The following GEMIN2 variants were observed in gnomAD, a reference collection of about 807,000 sequenced individuals.
GEMIN2 encodes the protein gem-associated protein 2.
In GEMIN2, 37 loss-of-function variants were observed where a neutral mutation model predicts 45.8. The ratio of observed to expected loss-of-function variants is 0.81; its 90% CI spans 0.62 to 1.06. The LOEUF (loss-of-function observed/expected upper bound fraction) is 1.06, where lower values mean the gene tolerates loss of function less well. Ranked by LOEUF, GEMIN2 falls within the 50% of genes least tolerant of loss-of-function variation. The pLI is 0.00. For missense variants in GEMIN2, 335 were observed against 321.8 expected, an observed-to-expected ratio of 1.04 and a Z score of -0.31; for synonymous variants, 101 against 111.5, an observed-to-expected ratio of 0.91 and a Z score of 0.60.
rs772927772 is a variant in GEMIN2 at position 39,133,648 on chromosome 14, T to C, written c.712-13T>C. The C allele has an allele frequency of 1.4e-5, 19 of 1,383,666 alleles. No homozygotes were observed. Among genetic ancestry groups the C allele is most frequent in the Non-Finnish European group, 1.8e-5 (18 of 1,019,704 alleles). The allele number at this position is 1,383,666 out of a possible 1,614,324, so 85.7% of individuals were successfully genotyped here. A position where few individuals can be genotyped will look rare whatever the true frequency, so the allele number is the denominator to read the frequency against. On this transcript the variant is annotated splice_polypyrimidine_tract_variant and intron_variant, in intron 8 of 9. Transcript: ENST00000308317. ...AACAGACAATATTTAAATTTTTCTTTTTTTTTTTTTAGGATAGCAAAGATG... is the reference window on the plus strand; with the variant it reads ...AACAGACAATATTTAAATTTTTCTTCTTTTTTTTTTAGGATAGCAAAGATG...
chr14:39,133,631 A>C, intron 8 of GEMIN2, 30 bp from the exon 9 acceptor site: 1 of 1,188,676 alleles, frequency 8.4e-7, no homozygotes, highest in Non-Finnish European at 1.2e-6. Flanking sequence ...GGAACAGACA[A>C]TATTTAAATT....
chr14:39,115,027 C>T (rs773095233), intron 2 of GEMIN2, 114 bp downstream of exon 2: 3 of 645,684 alleles, frequency 4.6e-6, no homozygotes. Context: ...CTACTCCGTG[C>T]AAAGTTAGAC....
At position 39,136,779 on chromosome 14, in the gene GEMIN2, TTTTTTTG is replaced by T. The variant is rs2052787086; in HGVS notation, c.*310_*316del. 4 of 259,836 alleles carry T rather than the reference TTTTTTTG, an allele frequency of 1.5e-5. No homozygotes were observed. In the South Asian group the frequency reaches 4.8e-4, roughly 31 times the overall value. 16.1% of individuals were successfully genotyped at this position (259,836 alleles called of 1,614,324 possible). A position where few individuals can be genotyped will look rare whatever the true frequency, so the allele number is the denominator to read the frequency against. Reference sequence around the variant, plus strand: ...ATAGGTTCTTGGTGCTGTTTTGTTCTTTTTTTGTTTTTTGTTGTTTTGTTATTTACTT... The same window carrying T: ...ATAGGTTCTTGGTGCTGTTTTGTTCTTTTTTTGTTGTTTTGTTATTTACTT... On this transcript the variant is annotated 3_prime_UTR_variant, in exon 10 of 10. Transcript: ENST00000308317.
chr14:39,127,324 AG>A, intron 6 of GEMIN2, among the ~76,000 whole-genome samples: 1 of 136,066 alleles, frequency 7.3e-6, no homozygotes, highest in East Asian at 2.3e-4. Context: ...TCCTGACCTC[AG>A]GTGTGCCATT....
intron 7 of GEMIN2, chr14:39,131,656 C>G (rs1484275543): frequency 4.0e-6 from 1 of 250,034 alleles, no homozygotes; most frequent in Non-Finnish European, 7.5e-6. Flanking sequence ...TATTTATATT[C>G]ATCTTAATGT....
intron 9 of GEMIN2, among the ~76,000 whole-genome samples, chr14:39,135,625 G>A (rs935697052): frequency 1.7e-4 from 26 of 151,884 alleles, no homozygotes; most frequent in African/African-American, 5.8e-4. Flanking sequence ...GGAAAGCTGG[G>A]CACAGTGACT....
chr14:39,118,046 A>G lies in GEMIN2; in HGVS notation c.270A>G (p.Gln90=), dbSNP rs765621153. 1.2e-6 allele frequency: 2 copies of G among 1,608,924 alleles called. No individual in the cohort carries two copies. Among genetic ancestry groups the G allele is most frequent in the Admixed American group, 1.7e-5 (1 of 59,480 alleles). The change falls in exon 3 of 10, where the codon CAA becomes CAG. Residue 90 remains glutamine (Q), a synonymous_variant. Coordinates refer to ENST00000308317, the MANE Select transcript of GEMIN2 (RefSeq NM_003616.3). ...PAPEGYSPTL[Q]WQQQQVAQFS... is the part of the protein sequence containing the mutation. ...CTGAAGGTTATTCCCCAACACTTCA[A>G]TGGCAACAGCAACAAGTGGCACAGT...
At chr14:39,115,385 A>T (rs188828677) in intron 2 of GEMIN2, among the ~76,000 whole-genome samples, 10 of 149,268 alleles carry the variant, frequency 6.7e-5, no homozygotes, top group Admixed American at 5.3e-4. Flanking sequence ...GTTTAATCTT[A>T]GTGTGCTTTG....
chr14:39,124,607 C>A (rs1166002799), intron 5 of GEMIN2, among the ~76,000 whole-genome samples: 1 of 137,434 alleles, frequency 7.3e-6, no homozygotes, highest in African/African-American at 2.5e-5. Context: ...CTCATCTCTA[C>A]CAAAAATACA....
At chr14:39,114,583 A>G (rs1009648786) in intron 1 of GEMIN2, 108 bp downstream of exon 1, 20 of 818,452 alleles carry the variant, frequency 2.4e-5, no homozygotes, top group African/African-American at 5.2e-5. Flanking sequence ...AGGTCTATTC[A>G]GGATTCTGGA....
intron 8 of GEMIN2, among the ~76,000 whole-genome samples, chr14:39,133,387 CAGGGA>C (rs1255924072): frequency 7.4e-5 from 11 of 149,300 alleles, no homozygotes; most frequent in African/African-American, 2.7e-4. Context: ...TAGTAGGAAC[CAGGGA>C]AAAATTTCCC....
At chr14:39,126,184 CTT>C (rs869202062) in intron 6 of GEMIN2, among the ~76,000 whole-genome samples, 10 of 136,712 alleles carry the variant, frequency 7.3e-5, no homozygotes, top group African/African-American at 5.3e-5. Flanking sequence ...CTTTGGAAGC[CTT>C]TTTTTTTTTT....
Position 39,114,469 on chromosome 14 carries a change from G to C in GEMIN2, c.131G>C (p.Arg44Pro), listed in dbSNP as rs749741252. 1.9e-6 allele frequency: 3 copies of C among 1,612,618 alleles called. No individual in the cohort carries two copies. The highest frequency in any genetic ancestry group is 2.5e-6 in the Non-Finnish European group (3 of 1,178,890). ...AGGACGCCTCAGGAATACCTGAGGCGGGTCCAGTGAGTGATTCGGCCCTGG... is the reference window on the plus strand; with the variant it reads ...AGGACGCCTCAGGAATACCTGAGGCCGGTCCAGTGAGTGATTCGGCCCTGG... ...PPRTPQEYLR[R>P]VQIEAAQCPD... Residue 44 changes from arginine to proline, a missense_variant, in exon 1 of 10, where the codon CGG (arginine) becomes CCG (proline). Physicochemically the swap from Arg to Pro is moderately radical, Grantham distance 103 (BLOSUM62 -2). Coordinates refer to ENST00000308317, the MANE Select transcript of GEMIN2 (RefSeq NM_003616.3).
chr14:39,128,361 G>GT lies in GEMIN2; in HGVS notation c.600+18dup. On this transcript the variant is annotated intron_variant, in intron 7 of 9. Coordinates refer to ENST00000308317, the MANE Select transcript of GEMIN2 (RefSeq NM_003616.3). The stretch of plus-strand genomic sequence containing the variant: ...TACTCCAGAATTGGTAGTATTGCAT[G>GT]TTTTTCTTTTCATAATGTAGGCAAA... The GT allele has an allele frequency of 6.8e-7, 1 of 1,478,532 alleles. No homozygotes were observed. The highest frequency in any genetic ancestry group is 1.8e-5 in the Admixed American group (1 of 56,122). The allele number at this position is 1,478,532 out of a possible 1,614,324, so 91.6% of individuals were successfully genotyped here.
intron 2 of GEMIN2, among the ~76,000 whole-genome samples, chr14:39,115,860 C>A (rs1257725565): frequency 2.0e-5 from 3 of 152,106 alleles, no homozygotes; most frequent in Non-Finnish European, 4.4e-5. Flanking sequence ...GGGAATTCAA[C>A]AGAGGGTAAG....
At position 39,128,318 on chromosome 14, in the gene GEMIN2, G is replaced by C. The variant is rs1048311983; in HGVS notation, c.570G>C (p.Trp190Cys). 6.3e-7 allele frequency: 1 copy of C among 1,583,420 alleles called. No individual in the cohort carries two copies. The highest frequency in any genetic ancestry group is 1.4e-5 in the African/African-American group (1 of 73,550). Residue 190 changes from tryptophan to cysteine, a missense_variant, in exon 7 of 10, where the codon TGG becomes TGC. Transcript: ENST00000308317. ...VTSVLEYLSN[W>C]FGERDFTPEL... ...GTGTCTTGGAATATCTGAGTAATTG[G>C]TTTGGAGAAAGAGACTTTACTCCAG...
chr14:39,136,725 T>C lies in GEMIN2; in HGVS notation c.*246T>C. ...AACAGTTTTCTGTAATCAAGCAGCT[T>C]GCATAGAAATTGTATGATGAAATTT... On this transcript the variant is annotated 3_prime_UTR_variant, in exon 10 of 10. Coordinates refer to ENST00000308317, the MANE Select transcript of GEMIN2 (RefSeq NM_003616.3). 2.6e-6 allele frequency: 1 copy of C among 387,862 alleles called. No individual in the cohort carries two copies. Among genetic ancestry groups the C allele is most frequent in the Non-Finnish European group, 4.6e-6 (1 of 218,808 alleles). The allele number at this position is 387,862 out of a possible 1,614,324, so 24.0% of individuals were successfully genotyped here. A position where few individuals can be genotyped will look rare whatever the true frequency, so the allele number is the denominator to read the frequency against.
intron 9 of GEMIN2, among the ~76,000 whole-genome samples, chr14:39,135,400 A>G (rs1359784614): frequency 2.6e-5 from 4 of 152,136 alleles, no homozygotes; most frequent in Admixed American, 2.6e-4. Flanking sequence ...AGCCTGGCCA[A>G]CATGGTGAAA....
intron 5 of GEMIN2, among the ~76,000 whole-genome samples, chr14:39,124,107 C>G (rs1390876965): frequency 6.6e-6 from 1 of 151,780 alleles, no homozygotes; most frequent in Non-Finnish European, 1.5e-5. Flanking sequence ...AGAATACATA[C>G]AAGTAAAATA....
Sources: gnomAD v4.1 joint callset for allele counts (sites outside exome capture counted in the v4.1 genomes callset) on GRCh38, gnomAD v4.1.1 for gene constraint, MANE v1.5 for transcripts, NCBI Gene and HGNC (gene_info 2026-07-23, HGNC 2026-07-21) for gene names.